Variants in NEGR1 observed in about 807,000 individuals in gnomAD.
NEGR1 encodes the protein neuronal growth regulator 1.
NEGR1 carries 10 observed loss-of-function variants against 40.9 expected under a neutral mutation model. That is an observed-to-expected ratio of 0.24 (90% CI 0.15 to 0.42). NEGR1 has a LOEUF of 0.42. Among genes scored for constraint, NEGR1 ranks in the 10% least tolerant of loss-of-function variants. The pLI is 1.00. For synonymous variants in NEGR1, 185 were observed against 166.8 expected, an observed-to-expected ratio of 1.11 and a Z score of -0.84; for missense variants, 352 against 438.9, an observed-to-expected ratio of 0.80 and a Z score of 1.77.
chr1:72,259,464 C>T (rs1231305904), intron 1 of NEGR1, among the ~76,000 whole-genome samples: 2 of 152,052 alleles, frequency 1.3e-5, no homozygotes, highest in Non-Finnish European at 2.9e-5. Flanking sequence ...AATAACGACT[C>T]TTTGTGACAT....
intron 2 of NEGR1, among the ~76,000 whole-genome samples, chr1:71,895,413 C>T (rs1391813347): frequency 6.6e-6 from 1 of 152,136 alleles, no homozygotes; most frequent in Non-Finnish European, 1.5e-5. Context: ...ATTTTCATCA[C>T]TCCCAAAAGA....
At chr1:71,424,196 G>A (rs1646415329) in intron 6 of NEGR1, among the ~76,000 whole-genome samples, 2 of 151,994 alleles carry the variant, frequency 1.3e-5, no homozygotes, top group African/African-American at 4.8e-5. Flanking sequence ...TAGACATAAG[G>A]TTAAGTGTAA....
In NEGR1 at chr1:71,813,306, C is replaced by T. The variant is rs903283705; in HGVS notation, c.410-37009G>A. 5.9e-5 allele frequency among the ~76,000 whole-genome samples: 9 copies of T among 152,184 alleles called. No individual in the cohort carries two copies. In the Middle Eastern group the frequency reaches 0.014, roughly 230 times the overall value. The stretch of plus-strand genomic sequence containing the variant: ...ATTGGTCTATGTGTCTGTTTTTGTG[C>T]CAGTACCACGCTGTTTTGGTTGCTG... On this transcript the variant is annotated intron_variant, in intron 2 of 6. Coordinates refer to ENST00000357731, the MANE Select transcript of NEGR1 (RefSeq NM_173808.3).
At chr1:71,511,347 GTGAT>G in intron 6 of NEGR1, among the ~76,000 whole-genome samples, 1 of 152,274 alleles carries the variant, frequency 6.6e-6, no homozygotes, top group East Asian at 1.9e-4. Flanking sequence ...TTTTAAGACA[GTGAT>G]AGAGTATGCA....
intron 1 of NEGR1, among the ~76,000 whole-genome samples, chr1:72,180,415 TAA>T (rs199654197): frequency 6.8e-6 from 1 of 147,096 alleles, no homozygotes; most frequent in Non-Finnish European, 1.5e-5. Context: ...AAGTGATATT[TAA>T]AAAAAAAAAT....
chr1:71,507,458 G>A (rs1331749193), intron 6 of NEGR1, among the ~76,000 whole-genome samples: 1 of 152,190 alleles, frequency 6.6e-6, no homozygotes, highest in Non-Finnish European at 1.5e-5. Flanking sequence ...GGAATTATGG[G>A]TGTATTGGGA....
intron 2 of NEGR1, among the ~76,000 whole-genome samples, chr1:71,871,043 C>T (rs1214541866): frequency 6.6e-6 from 1 of 152,158 alleles, no homozygotes; most frequent in Admixed American, 6.6e-5. Context: ...AAGTTAAATT[C>T]TATTGCAGGA....
At chr1:72,138,868 A>G (rs1333836098) in intron 1 of NEGR1, among the ~76,000 whole-genome samples, 2 of 152,030 alleles carry the variant, frequency 1.3e-5, no homozygotes, top group Non-Finnish European at 2.9e-5. Context: ...TCACATTTAT[A>G]GAATACCCTA....
At chr1:71,638,754 C>T (rs1435112051) in intron 4 of NEGR1, among the ~76,000 whole-genome samples, 1 of 151,920 alleles carries the variant, frequency 6.6e-6, no homozygotes, top group Non-Finnish European at 1.5e-5. Context: ...TTTACAGTCT[C>T]AGAGAAGAAC....
Position 71,945,111 on chromosome 1 carries a change from A to G in NEGR1, c.177-9800T>C, listed in dbSNP as rs527572089. Among the ~76,000 whole-genome samples the G allele has an allele frequency of 2.6e-4, 39 of 152,246 alleles. 1 individual carries two copies. Among genetic ancestry groups the G allele is most frequent in the South Asian group, 1.5e-3 (7 of 4,822 alleles). ...TTTTTATTATAACTTTTCCTTAACA[A>G]ACTGTGTAGTGTAATTATAGTTAAT... On this transcript the variant is annotated intron_variant, in intron 1 of 6. Transcript: ENST00000357731.
chr1:71,682,852 G>A (rs1296366568), intron 4 of NEGR1, among the ~76,000 whole-genome samples: 1 of 152,086 alleles, frequency 6.6e-6, no homozygotes, highest in African/African-American at 2.4e-5. Flanking sequence ...GTTCAAAAGA[G>A]CCTGGCACCT....
intron 1 of NEGR1, among the ~76,000 whole-genome samples, chr1:72,061,818 A>G (rs1266573538): frequency 6.6e-6 from 1 of 151,770 alleles, no homozygotes; most frequent in Non-Finnish European, 1.5e-5. Context: ...TATTCTATGA[A>G]GCAAAAGTCA....
rs182922092 is a variant in NEGR1, at chr1:71,669,984, A to T, written c.667+28024T>A. 3.9e-3 allele frequency among the ~76,000 whole-genome samples: 597 copies of T among 152,222 alleles called. 5 individuals carry two copies. Among genetic ancestry groups the T allele is most frequent in the Non-Finnish European group, 4.6e-3 (311 of 68,008 alleles). On this transcript the variant is annotated intron_variant, in intron 4 of 6. Transcript: ENST00000357731. Reference sequence around the variant, plus strand: ...TATTTTAATATTCTAAAACATTATTACTAGTGTTTGGGATGGTCATTATTT... The same window carrying T: ...TATTTTAATATTCTAAAACATTATTTCTAGTGTTTGGGATGGTCATTATTT...
At chr1:71,454,943 C>T (rs954504935) in intron 6 of NEGR1, among the ~76,000 whole-genome samples, 1 of 152,190 alleles carries the variant, frequency 6.6e-6, no homozygotes, top group South Asian at 2.1e-4. Flanking sequence ...CCAGCCCTAA[C>T]CTGGGGGTTG....
chr1:71,411,950 G>A (rs1423023812), intron 6 of NEGR1, among the ~76,000 whole-genome samples: 1 of 151,962 alleles, frequency 6.6e-6, no homozygotes, highest in Admixed American at 6.6e-5. Context: ...GCAGTGAGCC[G>A]AGATCGCGCC....
At chr1:71,904,433 T>G (rs548312325) in intron 2 of NEGR1, among the ~76,000 whole-genome samples, 1 of 152,092 alleles carries the variant, frequency 6.6e-6, no homozygotes, top group African/African-American at 2.4e-5. Context: ...AAATGAAAGA[T>G]AATATAATTT....
chr1:71,939,260 C>A (rs546025996), intron 1 of NEGR1, among the ~76,000 whole-genome samples: 2 of 152,084 alleles, frequency 1.3e-5, no homozygotes, highest in Non-Finnish European at 2.9e-5. Flanking sequence ...GCAAAAATAG[C>A]GCGACTGTTC....
intron 6 of NEGR1, among the ~76,000 whole-genome samples, chr1:71,494,130 C>T (rs955907065): frequency 6.6e-6 from 1 of 152,172 alleles, no homozygotes; most frequent in Non-Finnish European, 1.5e-5. Context: ...AGTGTCCTGC[C>T]TGATAGGAAT....
chr1:71,946,124 A>G (rs1173803520), intron 1 of NEGR1, among the ~76,000 whole-genome samples: 1 of 152,062 alleles, frequency 6.6e-6, no homozygotes, highest in Non-Finnish European at 1.5e-5. Context: ...TCATAGCTCA[A>G]TGCAGACTTG....
Sources: gnomAD v4.1 joint callset for allele counts (sites outside exome capture counted in the v4.1 genomes callset) on GRCh38, gnomAD v4.1.1 for gene constraint, MANE v1.5 for transcripts, NCBI Gene and HGNC (gene_info 2026-07-23, HGNC 2026-07-21) for gene names.